STXBP5L: variants seen among roughly 807,000 people sequenced by gnomAD.
The protein encoded by STXBP5L is syntaxin binding protein 5L.
A neutral mutation model predicts 144.5 loss-of-function variants in STXBP5L; 65 were observed. The ratio of observed to expected loss-of-function variants is 0.45; its 90% CI spans 0.37 to 0.55. STXBP5L has a LOEUF of 0.55. Ranked by LOEUF, STXBP5L falls within the 20% of genes least tolerant of loss-of-function variation. The pLI is 0.00. For synonymous variants in STXBP5L, 505 were observed against 469.6 expected (o/e 1.08, Z -0.97); for missense variants, 1,298 against 1,405.5 (o/e 0.92, Z 1.22).
intron 7 of STXBP5L, among the ~76,000 whole-genome samples, chr3:121,132,296 G>A (rs752124846): frequency 6.6e-6 from 1 of 152,156 alleles, no homozygotes; most frequent in African/African-American, 2.4e-5. Flanking sequence ...TTCTTTGGGG[G>A]TGCCAAAAGA....
rs2047328639 is a variant in STXBP5L, at chr3:121,420,360, A to C, written c.*1263A>C. On this transcript the variant is annotated 3_prime_UTR_variant, in exon 27 of 27. Transcript: ENST00000471454. ...TCAGTCATCATTATAGACAATAGAA[A>C]TACATAAAGAGTTTAATGATACAAA... 6.6e-6 allele frequency: 1 copy of C among 151,288 alleles called. No homozygotes were observed. The allele number at this position is 151,288 out of a possible 1,614,324, so 9.4% of individuals were successfully genotyped here.
At chr3:121,401,113 CCT>C (rs1448239328) in intron 22 of STXBP5L, among the ~76,000 whole-genome samples, 16 of 152,154 alleles carry the variant, frequency 1.1e-4, no homozygotes, top group African/African-American at 3.1e-4. Context: ...ATGGTTGCCC[CCT>C]GAGAGGCTGC....
intron 5 of STXBP5L, among the ~76,000 whole-genome samples, chr3:121,054,108 T>C (rs1272253632): frequency 6.6e-6 from 1 of 152,148 alleles, no homozygotes; most frequent in African/African-American, 2.4e-5. Context: ...CTGGAGAGGA[T>C]GTGGAGAAAT....
intron 3 of STXBP5L, among the ~76,000 whole-genome samples, chr3:120,966,753 T>C (rs1939629164): frequency 6.6e-6 from 1 of 151,946 alleles, no homozygotes; most frequent in African/African-American, 2.4e-5. Context: ...TACAAGGGGG[T>C]CAGGGACCCA....
chr3:120,915,659 G>T (rs930562323), intron 2 of STXBP5L, among the ~76,000 whole-genome samples: 8 of 151,914 alleles, frequency 5.3e-5, no homozygotes, highest in African/African-American at 1.9e-4. Flanking sequence ...CTTTTAATGT[G>T]CACAATATAC....
intron 20 of STXBP5L, among the ~76,000 whole-genome samples, chr3:121,324,865 C>G (rs1396263391): frequency 1.3e-5 from 2 of 151,998 alleles, no homozygotes; most frequent in East Asian, 3.9e-4. Flanking sequence ...TTAGTTTTCT[C>G]AGGTCTCTAA....
intron 9 of STXBP5L, among the ~76,000 whole-genome samples, chr3:121,191,833 A>G (rs1198320389): frequency 2.0e-5 from 3 of 152,060 alleles, no homozygotes; most frequent in Non-Finnish European, 4.4e-5. Context: ...TCACTCAGCA[A>G]ATTATTGCAA....
At chr3:121,192,673 C>A (rs1300440414) in intron 9 of STXBP5L, among the ~76,000 whole-genome samples, 1 of 152,196 alleles carries the variant, frequency 6.6e-6, no homozygotes, top group African/African-American at 2.4e-5. Context: ...CACCACACAT[C>A]TACAACCATC....
At chr3:121,252,605 ATTAC>A (rs753551572) in intron 15 of STXBP5L, among the ~76,000 whole-genome samples, 21 of 152,220 alleles carry the variant, frequency 1.4e-4, no homozygotes, top group Non-Finnish European at 2.6e-4. Context: ...TCTTAAAAAA[ATTAC>A]TTAGTTTGCT....
intron 10 of STXBP5L, among the ~76,000 whole-genome samples, chr3:121,211,403 A>G (rs564436480): frequency 2.8e-4 from 43 of 152,182 alleles, no homozygotes; most frequent in Non-Finnish European, 5.0e-4. Flanking sequence ...TCTTTTCCCA[A>G]TTGAAAACCC....
At chr3:121,032,234 C>A (rs1946419322) in intron 3 of STXBP5L, among the ~76,000 whole-genome samples, 1 of 141,146 alleles carries the variant, frequency 7.1e-6, no homozygotes, top group Admixed American at 7.4e-5. Flanking sequence ...CCCAAGGGAA[C>A]TTTAGAAGTG....
rs1245049973 is a variant in STXBP5L, at chr3:121,378,856, A to T, written c.2317A>T (p.Met773Leu). 1.9e-6 allele frequency: 3 copies of T among 1,613,536 alleles called. No individual in the cohort carries two copies. The highest frequency in any genetic ancestry group is 2.5e-6 in the Non-Finnish European group (3 of 1,179,786). The change falls in exon 21 of 27, where the codon ATG becomes TTG. Residue 773 changes from methionine to leucine, a missense_variant. By Grantham distance (15) the Met-to-Leu change is conservative. Coordinates refer to ENST00000471454, the MANE Select transcript of STXBP5L (RefSeq NM_001308330.2). ...PFRKAQSAAC[M>L]EISLPVTTEE... ...TCGAAAGGCCCAGTCAGCAGCCTGC[A>T]TGGAGATTTCTTTACCAGTTACAAC... is the stretch of plus-strand genomic sequence containing the variant.
At chr3:121,087,726 T>C (rs1238689401) in intron 5 of STXBP5L, among the ~76,000 whole-genome samples, 1 of 152,052 alleles carries the variant, frequency 6.6e-6, no homozygotes, top group Non-Finnish European at 1.5e-5. Context: ...GGTTGTTCTA[T>C]TTGTTATTGC....
intron 19 of STXBP5L, among the ~76,000 whole-genome samples, chr3:121,310,563 C>T (rs12486362): frequency 1.3e-4 from 20 of 151,008 alleles, no homozygotes; most frequent in East Asian, 5.9e-4. Context: ...TGTAGTGAGC[C>T]GAAATCGTGC....
intron 19 of STXBP5L, among the ~76,000 whole-genome samples, chr3:121,307,888 C>T (rs2043392737): frequency 6.6e-6 from 1 of 151,472 alleles, no homozygotes; most frequent in Non-Finnish European, 1.5e-5. Flanking sequence ...AGTAAACATG[C>T]TGAAACACGC....
intron 18 of STXBP5L, among the ~76,000 whole-genome samples, chr3:121,275,870 A>G (rs1176037930): frequency 6.6e-6 from 1 of 152,022 alleles, no homozygotes; most frequent in Non-Finnish European, 1.5e-5. Flanking sequence ...TTTTCATTGT[A>G]AATGTTTTCC....
intron 9 of STXBP5L, among the ~76,000 whole-genome samples, chr3:121,164,262 TATC>T (rs998803293): frequency 2.0e-5 from 3 of 152,162 alleles, no homozygotes; most frequent in African/African-American, 7.2e-5. Context: ...CAACATCATT[TATC>T]ATCAAGGAAA....
At chr3:121,306,783 A>G (rs951042595) in intron 19 of STXBP5L, among the ~76,000 whole-genome samples, 2 of 152,212 alleles carry the variant, frequency 1.3e-5, no homozygotes, top group Non-Finnish European at 2.9e-5. Context: ...TTTAAACCTC[A>G]AAGACTAGCC....
Position 120,941,251 on chromosome 3 carries a change from A to G in STXBP5L, c.190-13689A>G, listed in dbSNP as rs1013614537. Among the ~76,000 whole-genome samples the G allele has an allele frequency of 2.6e-5, 4 of 151,786 alleles. No individual in the cohort carries two copies. The South Asian group carries it at 8.3e-4, about 31-fold the overall frequency. On this transcript the variant is annotated intron_variant, in intron 2 of 26. Transcript: ENST00000471454. ...GAATCTCTGATCTCAAGTAATTAAT[A>G]CGGTAGGGAAGAAACACAGGTAGTA...
Sources: gnomAD v4.1 joint callset for allele counts (sites outside exome capture counted in the v4.1 genomes callset) on GRCh38, gnomAD v4.1.1 for gene constraint, MANE v1.5 for transcripts, NCBI Gene and HGNC (gene_info 2026-07-23, HGNC 2026-07-21) for gene names.